Variants in PKN2 observed in about 807,000 individuals in gnomAD.
PKN2 encodes the protein protein kinase N2.
A neutral mutation model predicts 119.1 loss-of-function variants in PKN2; 38 were observed. The ratio of observed to expected loss-of-function variants is 0.32; its 90% CI spans 0.25 to 0.42. The LOEUF (loss-of-function observed/expected upper bound fraction) is 0.42. PKN2 is among the 10% of genes least tolerant of loss of function. PKN2 has a pLI of 1.00. For missense variants in PKN2, 850 were observed against 1,165.1 expected (o/e 0.73, Z 3.94); for synonymous variants, 390 against 384.9 (o/e 1.01, Z -0.15).
chr1:88,741,736 C>T lies in PKN2; in HGVS notation c.349+448C>T, dbSNP rs180994369. ...TGGCCTTCATTCTTTGTGCTCTAAG[C>T]AACTGAATTAACAAGTAAACTACTA... is the stretch of plus-strand genomic sequence containing the variant. On this transcript the variant is annotated intron_variant, in intron 2 of 21. Transcript: ENST00000370521. 2.6e-5 allele frequency among the ~76,000 whole-genome samples: 4 copies of T among 151,946 alleles called. No individual in the cohort carries two copies. The East Asian group carries it at 7.7e-4, about 29-fold the overall frequency.
intron 1 of PKN2, among the ~76,000 whole-genome samples, chr1:88,712,869 G>A (rs1368947346): frequency 1.3e-5 from 2 of 152,112 alleles, no homozygotes; most frequent in Non-Finnish European, 2.9e-5. Flanking sequence ...TTGGTGTGCT[G>A]CACCCATTAA....
intron 12 of PKN2, among the ~76,000 whole-genome samples, chr1:88,806,502 A>T (rs917872500): frequency 6.6e-6 from 1 of 151,934 alleles, no homozygotes; most frequent in African/African-American, 2.4e-5. Flanking sequence ...AGTCTCAGCT[A>T]AATTAGACTG....
intron 1 of PKN2, among the ~76,000 whole-genome samples, chr1:88,715,456 G>T (rs2100694288): frequency 1.3e-5 from 2 of 152,254 alleles, no homozygotes; most frequent in East Asian, 3.9e-4. Flanking sequence ...TCTGTTATTG[G>T]TCTATTCAGG....
At chr1:88,762,702 GTAA>G (rs1346651077) in intron 3 of PKN2, among the ~76,000 whole-genome samples, 6 of 152,134 alleles carry the variant, frequency 3.9e-5, no homozygotes, top group African/African-American at 1.4e-4. Context: ...GTTAAAGTGT[GTAA>G]TAGTGATTTG....
chr1:88,815,877 T>A (rs1045747542), intron 16 of PKN2, among the ~76,000 whole-genome samples: 8 of 152,204 alleles, frequency 5.3e-5, no homozygotes, highest in Non-Finnish European at 1.2e-4. Context: ...GGTGGCTCCA[T>A]GCCTATAATC....
chr1:88,754,216 A>G (rs1409367714), intron 2 of PKN2, among the ~76,000 whole-genome samples: 1 of 152,050 alleles, frequency 6.6e-6, no homozygotes, highest in Non-Finnish European at 1.5e-5. Context: ...ACCGTAAGAT[A>G]TATTGGAGCT....
chr1:88,797,273 G>C (rs1312329153), intron 8 of PKN2, among the ~76,000 whole-genome samples: 3 of 151,650 alleles, frequency 2.0e-5, no homozygotes, highest in Non-Finnish European at 4.4e-5. Context: ...GGCGGAGGTT[G>C]CGGTGAGCTG....
Position 88,771,033 on chromosome 1 carries a change from T to TA in PKN2, c.623-379dup, listed in dbSNP as rs936916527. ...CAAGTACTTACAATCAGTCTTCATT[T>TA]AAAAAAAAATCTGTTACCTGTTTAA... On this transcript the variant is annotated intron_variant, in intron 4 of 21. Coordinates refer to ENST00000370521, the MANE Select transcript of PKN2 (RefSeq NM_006256.4). Among the ~76,000 whole-genome samples, 46 of 151,438 alleles carry TA rather than the reference T, an allele frequency of 3.0e-4. No individual in the cohort carries two copies. The Middle Eastern group carries it at 0.01, about 34-fold the overall frequency.
intron 16 of PKN2, among the ~76,000 whole-genome samples, chr1:88,820,235 A>AT (rs1672216340): frequency 3.2e-5 from 3 of 93,512 alleles, no homozygotes; most frequent in Admixed American, 9.8e-5. Context: ...TATATATATA[A>AT]ATAGAAAAAA....
chr1:88,702,687 A>G (rs1666819713), intron 1 of PKN2, among the ~76,000 whole-genome samples: 2 of 152,224 alleles, frequency 1.3e-5, no homozygotes, highest in African/African-American at 4.8e-5. Context: ...TTTTCTTTCT[A>G]GTATGATGAA....
chr1:88,779,285 T>G (rs1397371315), intron 6 of PKN2, among the ~76,000 whole-genome samples: 1 of 152,172 alleles, frequency 6.6e-6, no homozygotes, highest in Admixed American at 6.5e-5. Flanking sequence ...TTTGCTTATT[T>G]GTAGTAAACC....
At chr1:88,723,651 G>A (rs1198826887) in intron 1 of PKN2, among the ~76,000 whole-genome samples, 1 of 152,082 alleles carries the variant, frequency 6.6e-6, no homozygotes, top group East Asian at 1.9e-4. Context: ...TTGAACTCCT[G>A]GTGTCAAGTA....
chr1:88,759,865 T>C (rs1025032274), intron 2 of PKN2, among the ~76,000 whole-genome samples: 1 of 152,106 alleles, frequency 6.6e-6, no homozygotes, highest in Non-Finnish European at 1.5e-5. Context: ...CAAAATTGAA[T>C]AGCCTACCAA....
chr1:88,785,449 A>T (rs1433611458), intron 7 of PKN2, among the ~76,000 whole-genome samples: 3 of 152,114 alleles, frequency 2.0e-5, no homozygotes, highest in Non-Finnish European at 4.4e-5. Context: ...GTTTAGTGAC[A>T]CTTTAATAGT....
At chr1:88,686,067 C>T (rs1358668943) in intron 1 of PKN2, among the ~76,000 whole-genome samples, 3 of 151,974 alleles carry the variant, frequency 2.0e-5, no homozygotes, top group Admixed American at 2.0e-4. Context: ...TACAGTTAGC[C>T]TTTTATAAGC....
chr1:88,801,965 CAA>C (rs976213542), intron 8 of PKN2, among the ~76,000 whole-genome samples: 3 of 152,114 alleles, frequency 2.0e-5, no homozygotes, highest in African/African-American at 2.4e-5. Context: ...CAAAGGAGAA[CAA>C]AGAGGAAGAG....
intron 6 of PKN2, among the ~76,000 whole-genome samples, chr1:88,776,365 CT>C (rs905224483): frequency 9.9e-5 from 15 of 150,922 alleles, no homozygotes; most frequent in South Asian, 6.3e-4. Flanking sequence ...ATCTAGGAAT[CT>C]CTTTCTTTTC....
chr1:88,760,476 C>CAT lies in PKN2; in HGVS notation c.504+101_504+102dup, dbSNP rs1319623137. ...CAATAAAATTTATTAGTAACTCCAA[C>CAT]ATCAGTACTGGTGGCATGGCACTTT... On this transcript the variant is annotated intron_variant, in intron 3 of 21. Transcript: ENST00000370521. The CAT allele has an allele frequency of 2.6e-5, 17 of 648,468 alleles. No individual in the cohort carries two copies. In the African/African-American group the frequency reaches 2.7e-4, roughly 10 times the overall value. The allele number at this position is 648,468 out of a possible 1,614,324, so 40.2% of individuals were successfully genotyped here. A position where few individuals can be genotyped will look rare whatever the true frequency, so the allele number is the denominator to read the frequency against.
At chr1:88,832,171 A>G (rs1190712846) in intron 19 of PKN2, among the ~76,000 whole-genome samples, 1 of 151,944 alleles carries the variant, frequency 6.6e-6, no homozygotes, top group Non-Finnish European at 1.5e-5. Flanking sequence ...CTAATCCATG[A>G]TTGTGTTTTA....
Sources: gnomAD v4.1 joint callset for allele counts (sites outside exome capture counted in the v4.1 genomes callset) on GRCh38, gnomAD v4.1.1 for gene constraint, MANE v1.5 for transcripts, NCBI Gene and HGNC (gene_info 2026-07-23, HGNC 2026-07-21) for gene names.